The following ADGRG7 variants were observed in gnomAD, a reference collection of about 807,000 sequenced individuals.
ADGRG7 encodes the protein adhesion G protein-coupled receptor G7.
Under a neutral mutation model 88.6 loss-of-function variants are expected in ADGRG7, and 82 were observed. That is an observed-to-expected ratio of 0.93 (90% confidence interval 0.77 to 1.11). The LOEUF (loss-of-function observed/expected upper bound fraction) is 1.11. Ranked by LOEUF, ADGRG7 falls within the 50% of genes most tolerant of loss-of-function variation. ADGRG7 has a pLI of 0.00. For missense variants in ADGRG7, 945 were observed against 953.4 expected (o/e 0.99, Z 0.12); for synonymous variants, 381 against 345.2 (o/e 1.10, Z -1.15).
chr3:100,687,110 A>G (rs545683968), intron 15 of ADGRG7, among the ~76,000 whole-genome samples: 72 of 152,238 alleles, frequency 4.7e-4, no homozygotes, highest in African/African-American at 1.6e-3. Context: ...CTTGTACATT[A>G]GATTCCTAGG....
chr3:100,651,680 A>T (rs1421205205), intron 11 of ADGRG7, among the ~76,000 whole-genome samples: 2 of 151,950 alleles, frequency 1.3e-5, no homozygotes, highest in Admixed American at 1.3e-4. Flanking sequence ...CACATCTCAA[A>T]CAAATTTTTT....
intron 14 of ADGRG7, among the ~76,000 whole-genome samples, chr3:100,664,109 TTTA>T (rs2094948876): frequency 6.6e-6 from 1 of 152,084 alleles, no homozygotes; most frequent in South Asian, 2.1e-4. Flanking sequence ...TGAAGTTGAT[TTTA>T]TTATAAATTT....
intron 14 of ADGRG7, among the ~76,000 whole-genome samples, chr3:100,662,198 C>G (rs2094946449): frequency 6.6e-6 from 1 of 152,108 alleles, no homozygotes; most frequent in Non-Finnish European, 1.5e-5. Context: ...TGGCAATAAA[C>G]TCCCCTAACT....
intron 6 of ADGRG7, among the ~76,000 whole-genome samples, chr3:100,638,956 A>C (rs985051760): frequency 6.6e-6 from 1 of 151,998 alleles, no homozygotes; most frequent in Non-Finnish European, 1.5e-5. Flanking sequence ...TTAAAAAATT[A>C]TCTTACCTTT....
chr3:100,685,331 A>T (rs2094980248), intron 15 of ADGRG7, among the ~76,000 whole-genome samples: 1 of 152,178 alleles, frequency 6.6e-6, no homozygotes, highest in Non-Finnish European at 1.5e-5. Flanking sequence ...ATAAAGCCTG[A>T]GAAGGAACTA....
chr3:100,637,465 A>C, intron 6 of ADGRG7, 63 bp downstream of exon 6: 2 of 1,043,268 alleles, frequency 1.9e-6, no homozygotes, highest in Non-Finnish European at 1.5e-6. Flanking sequence ...CCTAGGCTAA[A>C]GTATTAACAG....
At chr3:100,643,200 A>T in intron 6 of ADGRG7, 66 bp from the exon 7 acceptor site, 1 of 1,433,952 alleles carries the variant, frequency 7.0e-7, no homozygotes, top group South Asian at 1.2e-5. Flanking sequence ...GTAGTGTAAG[A>T]CAGAACACAT....
At chr3:100,635,000 G>GACAC (rs142620077) in intron 4 of ADGRG7, among the ~76,000 whole-genome samples, 13,119 of 146,558 alleles carry the variant, frequency 0.09, 549 homozygotes, top group African/African-American at 0.098. Flanking sequence ...TGAAAACCAA[G>GACAC]ACACACACAC....
intron 12 of ADGRG7, 21 bp downstream of exon 12, chr3:100,655,202 T>C: frequency 6.7e-7 from 1 of 1,498,422 alleles, no homozygotes; most frequent in South Asian, 1.2e-5. Context: ...GCATCTCCCC[T>C]TTCTCAGGAA....
intron 1 of ADGRG7, among the ~76,000 whole-genome samples, chr3:100,611,303 T>TCTTCCTTCCTTCCTTC (rs56353986): frequency 1.6e-5 from 2 of 124,354 alleles, no homozygotes; most frequent in African/African-American, 7.1e-5. Flanking sequence ...TTCCTTCCTT[T>TCTTCCTTCCTTCCTTC]CTTCTTTCCT....
rs568035788 is a variant in ADGRG7, at chr3:100,644,325, G to C, written c.946+692G>C. 2.0e-5 allele frequency among the ~76,000 whole-genome samples: 3 copies of C among 152,224 alleles called. No individual in the cohort carries two copies. In the East Asian group the frequency reaches 5.8e-4, roughly 29 times the overall value. ...TAAAAAAGAAGAGAGTATTATTCGT[G>C]AATCTGGCACTCTGGAATTTTGCTC... On this transcript the variant is annotated intron_variant, in intron 8 of 15. Transcript: ENST00000273352.
chr3:100,630,795 A>G lies in ADGRG7; in HGVS notation c.320A>G (p.Lys107Arg). The change falls in exon 3 of 16, where the codon AAG becomes AGG. Residue 107 changes from lysine (K) to arginine (R), a missense_variant. Physicochemically the swap from Lys to Arg is conservative, Grantham distance 26 (BLOSUM62 2). Transcript: ENST00000273352. ...RYGPSLQTCG[K>R]DTPNAGNPMA... ...GGACCATCCTTGCAAACATGTGGCA[A>G]GGATACTCCAAATGGTATGTGTTTT... is the stretch of plus-strand genomic sequence containing the variant. The G allele has an allele frequency of 6.8e-7, 1 of 1,477,096 alleles. No homozygotes were observed. The highest frequency in any genetic ancestry group is 1.8e-4 in the Middle Eastern group (1 of 5,664). The allele number at this position is 1,477,096 out of a possible 1,614,324, so 91.5% of individuals were successfully genotyped here.
rs1411394286 is a variant in ADGRG7 at position 100,655,036 on chromosome 3, T to A, written c.1581T>A (p.Thr527=). The A allele has an allele frequency of 3.7e-6, 6 of 1,613,990 alleles. No individual in the cohort carries two copies. The highest frequency in any genetic ancestry group is 5.1e-6 in the Non-Finnish European group (6 of 1,179,958). Residue 527 remains threonine, a synonymous_variant, in exon 12 of 16, where the codon ACT becomes ACA. Coordinates refer to ENST00000273352, the MANE Select transcript of ADGRG7 (RefSeq NM_032787.3). ...TTAACATCCCGAATCCCATGTGCAC[T>A]GCGATTGCCGCCTTACTGCACTATT... ...DTINIPNPMC[T]AIAALLHYFL...
At chr3:100,639,907 G>C (rs561096385) in intron 6 of ADGRG7, among the ~76,000 whole-genome samples, 1 of 152,152 alleles carries the variant, frequency 6.6e-6, no homozygotes, top group African/African-American at 2.4e-5. Context: ...TAAGGTATAA[G>C]ATACAGTGAA....
chr3:100,624,015 G>A (rs1559671071), intron 1 of ADGRG7, among the ~76,000 whole-genome samples: 1 of 151,988 alleles, frequency 6.6e-6, no homozygotes, highest in East Asian at 1.9e-4. Flanking sequence ...AAACATATGG[G>A]TTCATGTGTC....
At chr3:100,622,799 T>C (rs1272314569) in intron 1 of ADGRG7, among the ~76,000 whole-genome samples, 1 of 152,162 alleles carries the variant, frequency 6.6e-6, no homozygotes, top group East Asian at 1.9e-4. Context: ...TCTCACTCTG[T>C]TGCCCAGGCT....
chr3:100,688,472 G>A (rs561351965), intron 15 of ADGRG7, among the ~76,000 whole-genome samples: 72 of 152,210 alleles, frequency 4.7e-4, no homozygotes, highest in African/African-American at 1.7e-3. Context: ...TGATGTTAGG[G>A]TGTCCATTTT....
chr3:100,691,033 C>A (rs1481735668), intron 15 of ADGRG7, among the ~76,000 whole-genome samples: 3 of 152,238 alleles, frequency 2.0e-5, no homozygotes, highest in Non-Finnish European at 4.4e-5. Context: ...TTCCCGGTGC[C>A]TTTGTTTACC....
chr3:100,642,854 G>A (rs1393113184), intron 6 of ADGRG7, among the ~76,000 whole-genome samples: 2 of 152,244 alleles, frequency 1.3e-5, no homozygotes, highest in African/African-American at 4.8e-5. Flanking sequence ...ATCCTAAGGG[G>A]TTTGGGTGAG....
Sources: allele counts gnomAD v4.1 joint callset (sites outside exome capture counted in the v4.1 genomes callset), GRCh38; gene constraint gnomAD v4.1.1; transcripts MANE v1.5; gene names NCBI Gene and HGNC (gene_info 2026-07-23, HGNC 2026-07-21).